The following QARS1 variants were observed in gnomAD, a reference collection of about 807,000 sequenced individuals.
QARS1 encodes glutamine--tRNA ligase.
In QARS1, 79 loss-of-function variants were observed where a neutral mutation model predicts 106.9. The observed-to-expected ratio is 0.74, with a 90% CI of 0.62 to 0.89. The LOEUF is 0.89. QARS1 is among the 40% of genes least tolerant of loss of function. QARS1 has a pLI of 0.00. For synonymous variants in QARS1, 395 were observed against 367.7 expected (o/e 1.07, Z -0.85); for missense variants, 966 against 997.2 (o/e 0.97, Z 0.42).
intron 23 of QARS1, among the ~76,000 whole-genome samples, chr3:49,096,798 CAAAAAAAAAAAAAAAAA>C (rs770587253): frequency 3.4e-3 from 48 of 14,156 alleles, no homozygotes; most frequent in Admixed American, 4.0e-3. Context: ...GACTCCGTCT[CAAAAAAAAAAAAAAAAA>C]AAAAAAAAAA....
intron 2 of QARS1, 135 bp downstream of exon 2, chr3:49,104,189 C>A (rs1270570592): frequency 4.4e-6 from 6 of 1,356,352 alleles, no homozygotes; most frequent in East Asian, 4.6e-5. Flanking sequence ...CCATAGGCCA[C>A]CCCTTCCATG....
chr3:49,102,863 A>G, intron 5 of QARS1: 1 of 346,038 alleles, frequency 2.9e-6, no homozygotes, highest in Non-Finnish European at 5.7e-6. Context: ...GGCTGTTCTC[A>G]AACTCCTGAC....
rs1396822480 is a variant in QARS1, at chr3:49,099,006, G to A, written c.1759-17C>T. ...GTCCAAGGACTATAGCAGGAGACAGGAGACAGGTATGAGTCATACTCAGCA... is the reference window on the plus strand; with the variant it reads ...GTCCAAGGACTATAGCAGGAGACAGAAGACAGGTATGAGTCATACTCAGCA... On this transcript the variant is annotated splice_polypyrimidine_tract_variant and intron_variant, in intron 18 of 23. Transcript: ENST00000306125. 2 of 1,613,034 alleles carry A rather than the reference G, an allele frequency of 1.2e-6. No individual in the cohort carries two copies. Among genetic ancestry groups the A allele is most frequent in the Non-Finnish European group, 1.7e-6 (2 of 1,179,006 alleles).
Position 49,104,665 on chromosome 3 carries a change from C to A in QARS1, c.69G>T (p.Thr23=). ...LGLSEQKARE[T]LKNSALSAQL... ...GCGCGCTCAGAGCCGAGTTCTTGAG[C>A]GTCTCGCGGGCCTTCTGCTCGCTCA... The change falls in exon 1 of 24, where the codon ACG becomes ACT. Residue 23 remains threonine (T), a synonymous_variant. Transcript: ENST00000306125. 1.2e-6 allele frequency: 2 copies of A among 1,609,804 alleles called. No homozygotes were observed. Among genetic ancestry groups the A allele is most frequent in the Non-Finnish European group, 1.7e-6 (2 of 1,177,032 alleles).
intron 2 of QARS1, 157 bp downstream of exon 2, chr3:49,104,167 G>C: frequency 8.3e-7 from 1 of 1,200,268 alleles, no homozygotes; most frequent in Non-Finnish European, 1.2e-6. Context: ...GACAGTTCCC[G>C]TGTCAGTCTC....
At position 49,098,103 on chromosome 3, in the gene QARS1, C is replaced by G; in HGVS notation, c.2166G>C (p.Val722=). ...AGCAGTCCACTAATGCTGCATCCAC[C>G]ACGTGTAGTGATGCCTGCAGGCAGG... ...LSDLNLASLH[V]VDAALVDCSV... is the part of the protein sequence containing the mutation. Residue 722 remains valine (V), a synonymous_variant, in exon 23 of 24, where the codon GTG becomes GTC. Transcript: ENST00000306125. The G allele has an allele frequency of 1.9e-6, 3 of 1,614,164 alleles. No homozygotes were observed. Among genetic ancestry groups the G allele is most frequent in the Non-Finnish European group, 2.5e-6 (3 of 1,180,030 alleles).
intron 13 of QARS1, 39 bp downstream of exon 13, chr3:49,100,151 T>G: frequency 6.2e-7 from 1 of 1,614,200 alleles, no homozygotes; most frequent in South Asian, 1.1e-5. Flanking sequence ...TCTCAGCACC[T>G]TGGCCCACCC....
At position 49,098,186 on chromosome 3, in the gene QARS1, A is replaced by G. The variant is rs2042416510; in HGVS notation, c.2151+6T>C. On this transcript the variant is annotated splice_donor_region_variant and intron_variant, in intron 22 of 23. Transcript: ENST00000306125. ...ACCTCCCTCACCCCAAACCTCATGA[A>G]CCTACCAGGTTCAGGTCACTTAAAA... 6.2e-7 allele frequency: 1 copy of G among 1,613,998 alleles called. No individual in the cohort carries two copies. Among genetic ancestry groups the G allele is most frequent in the Non-Finnish European group, 8.5e-7 (1 of 1,180,034 alleles).
chr3:49,100,314 G>C lies in QARS1; in HGVS notation c.1056-16C>G. The C allele has an allele frequency of 6.2e-7, 1 of 1,614,200 alleles. No individual in the cohort carries two copies. Among genetic ancestry groups the C allele is most frequent in the Non-Finnish European group, 8.5e-7 (1 of 1,179,982 alleles). Reference sequence around the variant, plus strand: ...AGCCAGACCCCTGTGGGGAAGCGGTGTGAGTGCCCAGCATGGCTGTGACCT... The same window carrying C: ...AGCCAGACCCCTGTGGGGAAGCGGTCTGAGTGCCCAGCATGGCTGTGACCT... On this transcript the variant is annotated splice_polypyrimidine_tract_variant and intron_variant, in intron 12 of 23. Transcript: ENST00000306125.
In QARS1 at chr3:49,098,903, C is replaced by G. The variant is rs571159624; in HGVS notation, c.1845G>C (p.Glu615Asp). ...AATTTACCTCCTTGAAGTCAGTCCTCTCAATGAAGACAATGGGTGCAAAGG... is the reference window on the plus strand; with the variant it reads ...AATTTACCTCCTTGAAGTCAGTCCTGTCAATGAAGACAATGGGTGCAAAGG... ...QVPFAPIVFI[E>D]RTDFKEEPEP... Residue 615 changes from glutamate to aspartate, a missense_variant, in exon 19 of 24, where the codon GAG (glutamate) becomes GAC (aspartate). Glu to Asp is a conservative substitution (Grantham distance 45). Transcript: ENST00000306125. 6.2e-7 allele frequency: 1 copy of G among 1,613,690 alleles called. No individual in the cohort carries two copies. Among genetic ancestry groups the G allele is most frequent in the African/African-American group, 1.3e-5 (1 of 75,016 alleles).
At position 49,101,710 on chromosome 3, in the gene QARS1, C is replaced by A. The variant is rs775662720; in HGVS notation, c.704-5G>T. The A allele has an allele frequency of 1.4e-5, 22 of 1,613,974 alleles. No homozygotes were observed. The highest frequency in any genetic ancestry group is 6.7e-5 in the Admixed American group (4 of 59,988). On this transcript the variant is annotated splice_polypyrimidine_tract_variant and splice_region_variant and intron_variant, in intron 8 of 23. Coordinates refer to ENST00000306125, the MANE Select transcript of QARS1 (RefSeq NM_005051.3). ...CTGGGGTCTTGTAGTTCTCACCTGC[C>A]AGGACCAGAATAAGCCTAAGGACCA...
rs774558078 is a variant in QARS1, at chr3:49,100,361, G to A, written c.1055+19C>T. 8.1e-6 allele frequency: 13 copies of A among 1,614,018 alleles called. No individual in the cohort carries two copies. The highest frequency in any genetic ancestry group is 5.5e-5 in the South Asian group (5 of 91,086). The stretch of plus-strand genomic sequence containing the variant: ...ACCTAGTCAGTCTGCCTGGCTCTAC[G>A]TCATGGCCCTGGCCTTACCTGCGGA... On this transcript the variant is annotated intron_variant, in intron 12 of 23. Transcript: ENST00000306125.
rs62621067 is a variant in QARS1 at position 49,104,709 on chromosome 3, G to C, written c.25C>G (p.Leu9Val). Residue 9 changes from leucine (L) to valine (V), a missense_variant, in exon 1 of 24, where the codon CTC (leucine) becomes GTC (valine). Coordinates refer to ENST00000306125, the MANE Select transcript of QARS1 (RefSeq NM_005051.3). MAALDSLS[L>V]FTSLGLSEQK... Reference sequence around the variant, plus strand: ...TCGCTCAGGCCGAGGCTAGTGAAGAGCGACAGGGAGTCTAGAGCCGCCATT... The same window carrying C: ...TCGCTCAGGCCGAGGCTAGTGAAGACCGACAGGGAGTCTAGAGCCGCCATT... 6.2e-7 allele frequency: 1 copy of C among 1,612,834 alleles called. No homozygotes were observed. The highest frequency in any genetic ancestry group is 2.2e-5 in the East Asian group (1 of 44,844).
At chr3:49,097,480 C>T (rs940538569) in intron 23 of QARS1, among the ~76,000 whole-genome samples, 1 of 150,672 alleles carries the variant, frequency 6.6e-6, no homozygotes, top group Middle Eastern at 3.4e-3. Context: ...CCACCATGCC[C>T]TGCCTCAAAA....
chr3:49,100,872 G>A, intron 10 of QARS1, 198 bp from the exon 11 acceptor site: 1 of 682,052 alleles, frequency 1.5e-6, no homozygotes, highest in South Asian at 1.5e-5. Flanking sequence ...CTTCCCAGTA[G>A]CTGAAACTAC....
At chr3:49,098,284 C>T (rs1559965960) in intron 21 of QARS1, 26 bp from the exon 22 acceptor site, 1 of 1,614,170 alleles carries the variant, frequency 6.2e-7, no homozygotes, top group South Asian at 1.1e-5. Context: ...AGGTCATACC[C>T]CCAGCTGGGC....
intron 13 of QARS1, 47 bp from the exon 14 acceptor site, chr3:49,100,138 C>G (rs769187983): frequency 3.0e-5 from 49 of 1,614,248 alleles, no homozygotes; most frequent in Non-Finnish European, 3.9e-5. Flanking sequence ...AGGAGCATCT[C>G]ATTCTCAGCA....
At chr3:49,098,758 A>G in intron 19 of QARS1, 66 bp from the exon 20 acceptor site, 1 of 1,502,252 alleles carries the variant, frequency 6.7e-7, no homozygotes, top group Non-Finnish European at 9.1e-7. Flanking sequence ...AAGCTTCCCT[A>G]CCCCCGTGTC....
At chr3:49,104,526 G>A (rs2042513753) in intron 1 of QARS1, 55 bp from the exon 2 acceptor site, 4 of 1,607,224 alleles carry the variant, frequency 2.5e-6, no homozygotes, top group South Asian at 1.1e-5. Flanking sequence ...GGAAAGGGCG[G>A]GACAAACGGG....
Sources: allele counts gnomAD v4.1 joint callset (sites outside exome capture counted in the v4.1 genomes callset), GRCh38; gene constraint gnomAD v4.1.1; transcripts MANE v1.5; gene names NCBI Gene and HGNC (gene_info 2026-07-23, HGNC 2026-07-21).